Variants in NCKAP5 observed in about 807,000 individuals in gnomAD.
NCKAP5 encodes NCK associated protein 5.
Under a neutral mutation model 167.0 loss-of-function variants are expected in NCKAP5, and 92 were observed. That is an observed-to-expected ratio of 0.55 (90% CI 0.47 to 0.66). The LOEUF is 0.66. NCKAP5 is among the 30% of genes least tolerant of loss of function. The pLI, the probability that NCKAP5 is intolerant of heterozygous loss-of-function variation, is 0.00. For missense variants in NCKAP5, 2,378 were observed against 2,315.0 expected (o/e 1.03, Z -0.56); for synonymous variants, 891 against 877.4 (o/e 1.02, Z -0.27).
intron 3 of NCKAP5, among the ~76,000 whole-genome samples, chr2:133,332,954 C>CA (rs1034616011): frequency 1.3e-5 from 2 of 152,212 alleles, no homozygotes; most frequent in East Asian, 1.9e-4. Flanking sequence ...ACCATTTTTC[C>CA]AAAAGGTTCT....
intron 3 of NCKAP5, among the ~76,000 whole-genome samples, chr2:133,348,722 A>G (rs1303781268): frequency 6.6e-6 from 1 of 152,216 alleles, no homozygotes; most frequent in Non-Finnish European, 1.5e-5. Flanking sequence ...TATATTGCAG[A>G]CAACATTTTC....
rs190922416 is a variant in NCKAP5, at chr2:133,309,093, A to T, written c.70-5983T>A. Among the ~76,000 whole-genome samples the T allele has an allele frequency of 2.0e-5, 3 of 152,278 alleles. No individual in the cohort carries two copies. In the East Asian group the frequency reaches 5.8e-4, roughly 29 times the overall value. ...ATGCTAAGTGAAAGAAGGATAAAAA[A>T]ACTGCACAATCCCTCTTATCACAAT... On this transcript the variant is annotated intron_variant, in intron 3 of 19. Coordinates refer to ENST00000409261, the MANE Select transcript of NCKAP5 (RefSeq NM_207363.3).
chr2:133,618,572 C>A, the NCKAP5 span, among the ~76,000 whole-genome samples: 1 of 151,192 alleles, frequency 6.6e-6, no homozygotes, highest in Non-Finnish European at 1.5e-5. Context: ...CATCACTGGC[C>A]ATCAGAGAAA....
chr2:132,774,701 C>G (rs1682394966), intron 15 of NCKAP5, among the ~76,000 whole-genome samples: 7 of 152,280 alleles, frequency 4.6e-5, no homozygotes. Context: ...AATCCAGTAG[C>G]AGGAGAAGTA....
chr2:133,098,054 AT>A (rs2081396877), intron 6 of NCKAP5, among the ~76,000 whole-genome samples: 1 of 152,214 alleles, frequency 6.6e-6, no homozygotes, highest in Non-Finnish European at 1.5e-5. Context: ...AAACACATCA[AT>A]TTGTTTTCCT....
At chr2:132,752,105 GTCA>G (rs1413153169) in intron 16 of NCKAP5, among the ~76,000 whole-genome samples, 16 of 151,600 alleles carry the variant, frequency 1.1e-4, no homozygotes, top group Admixed American at 5.3e-4. Flanking sequence ...CATCCCTGAA[GTCA>G]TCATTTTTTG....
chr2:133,305,497 T>C (rs553185525), intron 3 of NCKAP5, among the ~76,000 whole-genome samples: 1 of 152,210 alleles, frequency 6.6e-6, no homozygotes, highest in Non-Finnish European at 1.5e-5. Context: ...GTACCTCTTT[T>C]CAAAAGGAAG....
chr2:133,264,814 T>C (rs1050452374), intron 4 of NCKAP5, among the ~76,000 whole-genome samples: 4 of 152,154 alleles, frequency 2.6e-5, no homozygotes, highest in African/African-American at 7.2e-5. Context: ...CAGAAAATGT[T>C]AGTCCAGGAT....
chr2:132,878,651 C>G (rs531827002), intron 9 of NCKAP5, among the ~76,000 whole-genome samples, 197 bp downstream of exon 9: 3,022 of 52,278 alleles, frequency 0.058, 99 homozygotes, highest in African/African-American at 0.17. Context: ...CACACACACA[C>G]ACACGCACGC....
At chr2:133,511,856 C>T (rs1228100801) in intron 3 of NCKAP5, among the ~76,000 whole-genome samples, 1 of 152,180 alleles carries the variant, frequency 6.6e-6, no homozygotes, top group African/African-American at 2.4e-5. Context: ...TCAGGCTTCC[C>T]AGAGGACAAC....
chr2:132,916,036 A>T (rs13401736), intron 8 of NCKAP5, among the ~76,000 whole-genome samples: 32,174 of 151,976 alleles, frequency 0.21, 6,830 homozygotes, highest in African/African-American at 0.49. Flanking sequence ...GCCTCACTAC[A>T]TTCATTCTCA....
intron 19 of NCKAP5, among the ~76,000 whole-genome samples, chr2:132,710,513 C>T (rs996474390): frequency 6.6e-6 from 1 of 152,186 alleles, no homozygotes; most frequent in Non-Finnish European, 1.5e-5. Flanking sequence ...ACACTCTTCC[C>T]ACCCCAAAGC....
intron 8 of NCKAP5, among the ~76,000 whole-genome samples, chr2:132,885,147 T>C (rs1692113719): frequency 6.6e-6 from 1 of 152,058 alleles, no homozygotes; most frequent in Admixed American, 6.5e-5. Context: ...CTTTAATCCA[T>C]TTGCATTTAT....
chr2:133,656,883 T>C, the NCKAP5 span, among the ~76,000 whole-genome samples: 1 of 144,604 alleles, frequency 6.9e-6, no homozygotes, highest in Non-Finnish European at 1.6e-5. Flanking sequence ...CCAAGCAGTA[T>C]ACATTGCACC....
intron 16 of NCKAP5, among the ~76,000 whole-genome samples, chr2:132,753,714 T>C (rs1439173005): frequency 6.6e-6 from 1 of 152,240 alleles, no homozygotes; most frequent in Non-Finnish European, 1.5e-5. Flanking sequence ...AAGGGGGGAC[T>C]TCAGCAGGTG....
chr2:133,459,029 G>A (rs1046790800), intron 3 of NCKAP5, among the ~76,000 whole-genome samples: 10 of 152,114 alleles, frequency 6.6e-5, no homozygotes, highest in Admixed American at 3.3e-4. Context: ...GCTAGTGATG[G>A]ACCTTCCTCG....
In NCKAP5 at chr2:133,124,196, G is replaced by A. The variant is rs185756693; in HGVS notation, c.341+5782C>T. On this transcript the variant is annotated intron_variant, in intron 6 of 19. Transcript: ENST00000409261. ...GGTGCAAAGAAATCCTGAAGGTAGG[G>A]AGTGAAAGCTTGAGTTCCATGTGGG... 2.0e-5 allele frequency among the ~76,000 whole-genome samples: 3 copies of A among 152,276 alleles called. No individual in the cohort carries two copies. The East Asian group carries it at 5.8e-4, about 29-fold the overall frequency.
the NCKAP5 span, among the ~76,000 whole-genome samples, chr2:133,610,188 A>G: frequency 6.5e-4 from 99 of 152,306 alleles, 2 homozygotes; most frequent in Admixed American, 6.1e-3. Context: ...AAAGAACACA[A>G]TGGGGTGATT....
chr2:133,666,628 T>C, the NCKAP5 span, among the ~76,000 whole-genome samples: 2 of 152,098 alleles, frequency 1.3e-5, no homozygotes, highest in African/African-American at 4.8e-5. Flanking sequence ...AATAATGTTG[T>C]AATGAATAAT....
Sources: allele counts gnomAD v4.1 joint callset (sites outside exome capture counted in the v4.1 genomes callset), GRCh38; gene constraint gnomAD v4.1.1; transcripts MANE v1.5; gene names NCBI Gene and HGNC (gene_info 2026-07-23, HGNC 2026-07-21).